Variants in DLG2 observed in about 807,000 individuals in gnomAD.
The protein encoded by DLG2 is discs large MAGUK scaffold protein 2.
In DLG2, 45 loss-of-function variants were observed where a neutral mutation model predicts 132.5. The ratio of observed to expected loss-of-function variants is 0.34; its 90% CI spans 0.27 to 0.44. DLG2 has a LOEUF of 0.44. Among genes scored for constraint, DLG2 ranks in the 20% least tolerant of loss-of-function variants. DLG2 has a pLI of 1.00. For synonymous variants in DLG2, 424 were observed against 419.6 expected (o/e 1.01, Z -0.13); for missense variants, 1,045 against 1,196.9 (o/e 0.87, Z 1.87).
intron 3 of DLG2, among the ~76,000 whole-genome samples, chr11:85,307,467 T>A (rs17810494): frequency 0.035 from 5,330 of 152,310 alleles, 143 homozygotes; most frequent in Admixed American, 0.049. Flanking sequence ...ATTATGAAGA[T>A]AACTACTTTA....
At chr11:85,431,196 C>A (rs1481886534) in intron 3 of DLG2, among the ~76,000 whole-genome samples, 2 of 152,128 alleles carry the variant, frequency 1.3e-5, no homozygotes, top group African/African-American at 4.8e-5. Flanking sequence ...GTGAATCCTG[C>A]ACCAGCAGCT....
In DLG2 at chr11:84,006,275, G is replaced by C. The variant is rs527775885; in HGVS notation, c.920-25633C>G. On this transcript the variant is annotated intron_variant, in intron 11 of 27. Transcript: ENST00000376104. ...CTTACATGTGGGAGCTAAAAAGTTG[G>C]CAGATACTAGAAGCTGGGAAAGGTT... is the stretch of plus-strand genomic sequence containing the variant. Among the ~76,000 whole-genome samples, 84 of 151,794 alleles carry C rather than the reference G, an allele frequency of 5.5e-4. 1 individual carries two copies. Among genetic ancestry groups the C allele is most frequent in the South Asian group, 5.2e-3 (25 of 4,818 alleles).
intron 6 of DLG2, among the ~76,000 whole-genome samples, chr11:84,680,070 A>G (rs2099724846): frequency 6.6e-6 from 1 of 151,838 alleles, no homozygotes; most frequent in South Asian, 2.1e-4. Flanking sequence ...GCCATTTCCA[A>G]CTCTTCACTT....
At chr11:84,821,572 G>C (rs532911925) in intron 6 of DLG2, among the ~76,000 whole-genome samples, 11 of 150,436 alleles carry the variant, frequency 7.3e-5, no homozygotes, top group Admixed American at 6.6e-4. Context: ...AAAAACAGGT[G>C]GTGGGCCAGA....
chr11:84,574,159 T>A (rs1306848827), intron 6 of DLG2, among the ~76,000 whole-genome samples: 1 of 151,966 alleles, frequency 6.6e-6, no homozygotes, highest in Non-Finnish European at 1.5e-5. Flanking sequence ...TGAAACAGAG[T>A]ATCTGACAGA....
intron 6 of DLG2, among the ~76,000 whole-genome samples, chr11:84,998,529 A>G (rs1340301644): frequency 6.6e-6 from 1 of 152,110 alleles, no homozygotes; most frequent in Non-Finnish European, 1.5e-5. Context: ...ATACACATAT[A>G]TAATTTTTAT....
intron 4 of DLG2, among the ~76,000 whole-genome samples, chr11:85,175,794 T>A (rs923442541): frequency 1.3e-5 from 2 of 152,140 alleles, no homozygotes; most frequent in South Asian, 4.1e-4. Flanking sequence ...TACGCAAAAA[T>A]CACTAGCATT....
intron 15 of DLG2, among the ~76,000 whole-genome samples, chr11:83,916,214 T>C (rs2076895720): frequency 6.6e-6 from 1 of 152,226 alleles, no homozygotes; most frequent in Non-Finnish European, 1.5e-5. Context: ...TGAACATTTG[T>C]ATACAAGCTT....
At chr11:84,425,959 G>T (rs901738139) in intron 7 of DLG2, among the ~76,000 whole-genome samples, 17 of 152,078 alleles carry the variant, frequency 1.1e-4, no homozygotes, top group African/African-American at 3.9e-4. Context: ...TGACTTTTTT[G>T]TTGTTGTTGT....
In DLG2 at chr11:85,168,848, TAA is replaced by T. The variant is rs1375707845; in HGVS notation, c.187-14199_187-14198del. 3.3e-5 allele frequency among the ~76,000 whole-genome samples: 5 copies of T among 152,228 alleles called. No individual in the cohort carries two copies. The East Asian group carries it at 9.7e-4, about 29-fold the overall frequency. On this transcript the variant is annotated intron_variant, in intron 4 of 27. Coordinates refer to ENST00000376104, the MANE Select transcript of DLG2 (RefSeq NM_001142699.3). The stretch of plus-strand genomic sequence containing the variant: ...CAATGTCTTCGTCATTGCAAACCTT[TAA>T]AAAGTCTGGCTGACTACTATGCAGG...
chr11:84,423,177 G>C (rs1376747754), intron 7 of DLG2, among the ~76,000 whole-genome samples: 1 of 152,064 alleles, frequency 6.6e-6, no homozygotes, highest in African/African-American at 2.4e-5. Flanking sequence ...GAAATGGATA[G>C]TGGTGATGGT....
At chr11:84,567,179 A>G (rs1299251960) in intron 6 of DLG2, among the ~76,000 whole-genome samples, 1 of 152,068 alleles carries the variant, frequency 6.6e-6, no homozygotes, top group Non-Finnish European at 1.5e-5. Context: ...TTGAAAGAAT[A>G]GAAAGGAAGA....
chr11:85,356,805 T>TAGAC (rs1565372163), intron 3 of DLG2, among the ~76,000 whole-genome samples: 1 of 151,196 alleles, frequency 6.6e-6, no homozygotes, highest in Non-Finnish European at 1.5e-5. Context: ...GATAGATAGA[T>TAGAC]AGATAGATAG....
At chr11:84,059,224 G>A (rs2096552909) in intron 11 of DLG2, 91 bp downstream of exon 11, 2 of 1,287,922 alleles carry the variant, frequency 1.6e-6, no homozygotes, top group Non-Finnish European at 2.2e-6. Flanking sequence ...GAATGTCAGA[G>A]GTTAAAGAGT....
intron 6 of DLG2, among the ~76,000 whole-genome samples, chr11:84,893,997 A>G (rs2154065835): frequency 6.6e-6 from 1 of 152,296 alleles, no homozygotes; most frequent in Middle Eastern, 3.4e-3. Context: ...AGTGTTCAGA[A>G]TTTTATGAAG....
chr11:83,919,019 A>C (rs572688865), intron 15 of DLG2, among the ~76,000 whole-genome samples: 4 of 152,270 alleles, frequency 2.6e-5, no homozygotes, highest in African/African-American at 9.6e-5. Context: ...CAAAGGTGAG[A>C]AGAGTAAGGA....
chr11:84,624,857 C>CTTTTTTTTT lies in DLG2; in HGVS notation c.358-90135_358-90127dup, dbSNP rs776520040. On this transcript the variant is annotated intron_variant, in intron 6 of 27. Transcript: ENST00000376104. ...AGTTACCTCTCAGAAGAGAGTCAAC[C>CTTTTTTTTT]TTTTTTTTTTTTTTTTTTGAGACGG... Among the ~76,000 whole-genome samples, 36 of 76,174 alleles carry CTTTTTTTTT rather than the reference C, an allele frequency of 4.7e-4. 11 individuals carry two copies. The highest frequency in any genetic ancestry group is 2.1e-3 in the African/African-American group (18 of 8,544). 50.0% of individuals were successfully genotyped at this position (76,174 alleles called of 152,430 possible).
At chr11:84,158,871 GT>G (rs2095486891) in intron 9 of DLG2, among the ~76,000 whole-genome samples, 1 of 152,142 alleles carries the variant, frequency 6.6e-6, no homozygotes, top group Non-Finnish European at 1.5e-5. Context: ...GAACTACCAT[GT>G]TAACCAAAGA....
At chr11:84,054,127 A>T (rs2096456034) in intron 11 of DLG2, among the ~76,000 whole-genome samples, 1 of 152,066 alleles carries the variant, frequency 6.6e-6, no homozygotes, top group African/African-American at 2.4e-5. Flanking sequence ...TTTAGAACTT[A>T]GCCTTAAACC....
Sources: allele counts gnomAD v4.1 joint callset (sites outside exome capture counted in the v4.1 genomes callset), GRCh38; gene constraint gnomAD v4.1.1; transcripts MANE v1.5; gene names NCBI Gene and HGNC (gene_info 2026-07-23, HGNC 2026-07-21).